Variants in PRKN observed in about 807,000 individuals in gnomAD.
The protein encoded by PRKN is parkin RBR E3 ubiquitin protein ligase.
Under a neutral mutation model 59.5 loss-of-function variants are expected in PRKN, and 56 were observed. That is an observed-to-expected ratio of 0.94 (90% confidence interval 0.76 to 1.18). The LOEUF is 1.18. PRKN is among the 50% of genes most tolerant of loss of function. The probability of loss-of-function intolerance (pLI) is 0.00; values close to 1 mark genes in which losing one functional copy is unlikely to be tolerated. For synonymous variants in PRKN, 250 were observed against 222.1 expected (o/e 1.13, Z -1.12); for missense variants, 657 against 596.4 (o/e 1.10, Z -1.06).
intron 6 of PRKN, among the ~76,000 whole-genome samples, chr6:161,834,169 G>T (rs1446778665): frequency 6.6e-6 from 1 of 151,868 alleles, no homozygotes; most frequent in Non-Finnish European, 1.5e-5. Context: ...TCATAAAACT[G>T]ACCAGTTTTA....
chr6:162,430,041 C>A (rs899044355), intron 2 of PRKN, among the ~76,000 whole-genome samples: 9 of 152,050 alleles, frequency 5.9e-5, no homozygotes, highest in Admixed American at 2.0e-4. Context: ...AATCAGAAAT[C>A]TTCTGTTCAT....
chr6:161,510,987 G>A (rs551941), intron 9 of PRKN, among the ~76,000 whole-genome samples: 121,950 of 152,192 alleles, frequency 0.8, 49,166 homozygotes, highest in Middle Eastern at 0.87. Flanking sequence ...CAATATGGAA[G>A]ATGCTATTTT....
chr6:161,804,010 G>C (rs377102593), intron 6 of PRKN, among the ~76,000 whole-genome samples: 9 of 152,306 alleles, frequency 5.9e-5, no homozygotes, highest in African/African-American at 1.9e-4. Flanking sequence ...ACACATGGGG[G>C]GTGGCACAGC....
In PRKN at chr6:161,973,527, A is replaced by T. The variant is rs1368364066; in HGVS notation, c.619-110T>A. 4.2e-6 allele frequency: 3 copies of T among 716,086 alleles called. No homozygotes were observed. The East Asian group carries it at 8.1e-5, about 19-fold the overall frequency. 44.4% of individuals were successfully genotyped at this position (716,086 alleles called of 1,614,324 possible). ...TGGACAAGAGAAGAAATCTGTTACG[A>T]GGTGTGAGATGGAAATAAATCAGCA... On this transcript the variant is annotated intron_variant, in intron 5 of 11. Transcript: ENST00000366898.
At chr6:161,684,078 A>C (rs915844624) in intron 7 of PRKN, among the ~76,000 whole-genome samples, 23 of 152,202 alleles carry the variant, frequency 1.5e-4, no homozygotes, top group Non-Finnish European at 3.2e-4. Flanking sequence ...AGATATATTC[A>C]AAATAATTAA....
intron 9 of PRKN, among the ~76,000 whole-genome samples, chr6:161,543,061 C>T (rs1779674236): frequency 6.6e-6 from 1 of 152,004 alleles, no homozygotes; most frequent in Non-Finnish European, 1.5e-5. Flanking sequence ...TTTCCAAGGT[C>T]CACCTATTGA....
chr6:161,527,340 A>G lies in PRKN; in HGVS notation c.1083+21514T>C, dbSNP rs1371682633. On this transcript the variant is annotated intron_variant, in intron 9 of 11. Coordinates refer to ENST00000366898, the MANE Select transcript of PRKN (RefSeq NM_004562.3). The surrounding 1 kb of genome is among the most constrained non-coding windows in gnomAD (Gnocchi z 4.6). ...AGTGTCTTGAGCCCCAACGGCATCA[A>G]GTATGAACTTGGAGCCAGGGCTTTG... Among the ~76,000 whole-genome samples, 2 of 152,172 alleles carry G rather than the reference A, an allele frequency of 1.3e-5. No homozygotes were observed. Among genetic ancestry groups the G allele is most frequent in the Admixed American group, 1.3e-4 (2 of 15,272 alleles).
At chr6:162,542,334 A>T (rs972698304) in intron 1 of PRKN, among the ~76,000 whole-genome samples, 4 of 152,156 alleles carry the variant, frequency 2.6e-5, no homozygotes, top group African/African-American at 4.8e-5. Flanking sequence ...TGGGTTAACC[A>T]AAGCCCAGAG....
chr6:162,079,636 C>T (rs1562500353), intron 4 of PRKN, among the ~76,000 whole-genome samples: 2 of 152,112 alleles, frequency 1.3e-5, no homozygotes, highest in East Asian at 3.9e-4. Context: ...CCTAACACAG[C>T]TCAGGGAGTC....
intron 4 of PRKN, among the ~76,000 whole-genome samples, chr6:162,187,516 C>A (rs1286925993): frequency 6.6e-6 from 1 of 152,008 alleles, no homozygotes; most frequent in Non-Finnish European, 1.5e-5. Context: ...ACGGAGGATG[C>A]CCCCCACCCC....
chr6:161,432,479 C>T (rs1170561831), intron 9 of PRKN, among the ~76,000 whole-genome samples: 1 of 150,796 alleles, frequency 6.6e-6, no homozygotes, highest in East Asian at 2.0e-4. Context: ...TCTCCTGCCT[C>T]AGCCTCCCAA....
At chr6:161,780,413 G>A (rs1369576815) in intron 7 of PRKN, among the ~76,000 whole-genome samples, 1 of 152,146 alleles carries the variant, frequency 6.6e-6, no homozygotes, top group Non-Finnish European at 1.5e-5. Context: ...CTGTATATTG[G>A]ATGGTCATAT....
intron 4 of PRKN, among the ~76,000 whole-genome samples, chr6:162,157,317 A>C (rs1180559449): frequency 6.6e-6 from 1 of 151,544 alleles, no homozygotes; most frequent in Non-Finnish European, 1.5e-5. Flanking sequence ...TCATTTTCAC[A>C]TGTAGTGCCT....
rs949386018 is a variant in PRKN, at chr6:161,468,517, A to C, written c.1083+80337T>G. ...ACTCCCCATTTATTGACATGTGCTT[A>C]TTAACATGTTTAGAAACTTAAAAAT... is the stretch of plus-strand genomic sequence containing the variant. On this transcript the variant is annotated intron_variant, in intron 9 of 11. Transcript: ENST00000366898. This position sits in a 1 kb window ranked among gnomAD's most constrained non-coding sequence, Gnocchi z 5.9. 2.0e-5 allele frequency among the ~76,000 whole-genome samples: 3 copies of C among 152,172 alleles called. No homozygotes were observed. Among genetic ancestry groups the C allele is most frequent in the African/African-American group, 7.2e-5 (3 of 41,430 alleles).
chr6:161,712,581 T>C (rs551127247), intron 7 of PRKN, among the ~76,000 whole-genome samples: 1 of 152,314 alleles, frequency 6.6e-6, no homozygotes, highest in African/African-American at 2.4e-5. Flanking sequence ...ATTCTAAAAT[T>C]TGTTTTTATT....
intron 1 of PRKN, among the ~76,000 whole-genome samples, chr6:162,563,332 A>C (rs1006494031): frequency 6.6e-6 from 1 of 151,084 alleles, no homozygotes; most frequent in Admixed American, 6.6e-5. Context: ...AAAAAAAAAC[A>C]AAAAAAGAGA....
At chr6:162,637,558 C>G (rs1385285685) in intron 1 of PRKN, among the ~76,000 whole-genome samples, 1 of 152,006 alleles carries the variant, frequency 6.6e-6, no homozygotes, top group Non-Finnish European at 1.5e-5. Flanking sequence ...ACTTTGAGTC[C>G]CATGGACATT....
In PRKN at chr6:161,733,794, ATATG is replaced by A. The variant is rs1363192469; in HGVS notation, c.871+51974_871+51977del. Among the ~76,000 whole-genome samples, 352 of 76,070 alleles carry A rather than the reference ATATG, an allele frequency of 4.6e-3. 11 individuals are homozygous for A. The highest frequency in any genetic ancestry group is 0.016 in the African/African-American group (333 of 21,466). 49.9% of individuals were successfully genotyped at this position (76,070 alleles called of 152,430 possible). A position where few individuals can be genotyped will look rare whatever the true frequency, so the allele number is the denominator to read the frequency against. On this transcript the variant is annotated intron_variant, in intron 7 of 11. Transcript: ENST00000366898. Reference sequence around the variant, plus strand: ...TGAAAAAAAAAAAAAATATATATATATATGTATATATATATATATATATATATGT... The same window carrying A: ...TGAAAAAAAAAAAAAATATATATATATATATATATATATATATATATATGT...
chr6:162,119,296 C>T (rs557228353), intron 4 of PRKN, among the ~76,000 whole-genome samples: 88 of 152,212 alleles, frequency 5.8e-4, no homozygotes, highest in African/African-American at 2.1e-3. Flanking sequence ...CAAGGGGCCT[C>T]GGGATGATCA....
Sources: allele counts gnomAD v4.1 joint callset (sites outside exome capture counted in the v4.1 genomes callset), GRCh38; gene constraint gnomAD v4.1.1; non-coding constraint Gnocchi (gnomAD v3.1); transcripts MANE v1.5; gene names NCBI Gene and HGNC (gene_info 2026-07-23, HGNC 2026-07-21).